OXR1: variants seen among roughly 807,000 people sequenced by gnomAD.
OXR1 encodes oxidation resistance 1.
Under a neutral mutation model 104.6 loss-of-function variants are expected in OXR1, and 41 were observed. The observed-to-expected ratio is 0.39, with a 90% CI of 0.31 to 0.51. The LOEUF (loss-of-function observed/expected upper bound fraction) is 0.51, where lower values mean the gene tolerates loss of function less well. OXR1 is among the 20% of genes least tolerant of loss of function. The probability of loss-of-function intolerance (pLI) is 0.77; values close to 1 mark genes in which losing one functional copy is unlikely to be tolerated. For synonymous variants in OXR1, 348 were observed against 348.4 expected, an observed-to-expected ratio of 1.00 and a Z score of 0.01; for missense variants, 955 against 1,031.9, an observed-to-expected ratio of 0.93 and a Z score of 1.02.
intron 3 of OXR1, chr8:106,605,142 C>T (rs1402523550): frequency 1.3e-5 from 2 of 152,158 alleles, no homozygotes; most frequent in Non-Finnish European, 2.9e-5. Context: ...AAACATGTGG[C>T]TGACAAGATG....
At chr8:106,294,412 A>AAAAGAAAG (rs1554619229) in intron 1 of OXR1, among the ~76,000 whole-genome samples, 9 of 131,410 alleles carry the variant, frequency 6.8e-5, no homozygotes, top group Non-Finnish European at 1.3e-4. Flanking sequence ...AAAAAAAAAA[A>AAAAGAAAG]AAAGAAAGAA....
At chr8:106,549,900 A>T (rs1815671940) in intron 3 of OXR1, among the ~76,000 whole-genome samples, 1 of 152,120 alleles carries the variant, frequency 6.6e-6, no homozygotes, top group African/African-American at 2.4e-5. Flanking sequence ...ATCCTATTTT[A>T]TCTCCTGCTT....
chr8:106,365,899 T>C (rs1479639942), intron 2 of OXR1, among the ~76,000 whole-genome samples: 1 of 152,194 alleles, frequency 6.6e-6, no homozygotes, highest in Non-Finnish European at 1.5e-5. Flanking sequence ...AGGAATTGCT[T>C]GGTAAGTTTT....
intron 2 of OXR1, among the ~76,000 whole-genome samples, chr8:106,432,471 C>T (rs369091145): frequency 6.6e-6 from 1 of 152,174 alleles, no homozygotes; most frequent in African/African-American, 2.4e-5. Context: ...CACATTTCCT[C>T]CTCTGGGCCT....
At chr8:106,308,329 T>C (rs1813549733) in intron 1 of OXR1, among the ~76,000 whole-genome samples, 1 of 152,208 alleles carries the variant, frequency 6.6e-6, no homozygotes, top group Non-Finnish European at 1.5e-5. Flanking sequence ...GGAGGGTGAC[T>C]GCGCACATTG....
chr8:106,379,647 C>T (rs576924494), intron 2 of OXR1, among the ~76,000 whole-genome samples: 8 of 148,706 alleles, frequency 5.4e-5, no homozygotes, highest in South Asian at 2.1e-4. Flanking sequence ...AAGCGATTCT[C>T]GTGCCTCAGC....
intron 2 of OXR1, among the ~76,000 whole-genome samples, chr8:106,360,633 G>T (rs895434081): frequency 9.9e-5 from 15 of 151,156 alleles, no homozygotes; most frequent in African/African-American, 3.4e-4. Flanking sequence ...AAGAATCTCA[G>T]TTTGAAAAAA....
intron 3 of OXR1, among the ~76,000 whole-genome samples, chr8:106,540,470 C>T (rs952298029): frequency 1.3e-5 from 2 of 152,164 alleles, no homozygotes; most frequent in African/African-American, 2.4e-5. Flanking sequence ...TATATCTGCA[C>T]CATTCCAGTT....
chr8:106,460,442 A>T (rs1013183445), intron 2 of OXR1, among the ~76,000 whole-genome samples: 2 of 152,182 alleles, frequency 1.3e-5, no homozygotes, highest in Non-Finnish European at 2.9e-5. Context: ...AGACACAAAG[A>T]CCTGTGTTCT....
chr8:106,646,159 G>A (rs1349546630), intron 3 of OXR1, among the ~76,000 whole-genome samples: 2 of 151,476 alleles, frequency 1.3e-5, no homozygotes, highest in Non-Finnish European at 2.9e-5. Context: ...AGGCTAGAGT[G>A]CAGTGGCGTG....
chr8:106,292,382 G>A (rs1223235980), intron 1 of OXR1, among the ~76,000 whole-genome samples: 2 of 152,070 alleles, frequency 1.3e-5, no homozygotes, highest in East Asian at 3.9e-4. Context: ...TTGTGGAGAA[G>A]GAAAACAAAA....
intron 2 of OXR1, among the ~76,000 whole-genome samples, chr8:106,467,589 T>G (rs1011294004): frequency 2.0e-5 from 3 of 151,928 alleles, no homozygotes; most frequent in African/African-American, 7.2e-5. Context: ...CTCATTTTAT[T>G]GTAAGCAGTA....
At chr8:106,553,212 A>C (rs183720767) in intron 3 of OXR1, among the ~76,000 whole-genome samples, 286 of 151,536 alleles carry the variant, frequency 1.9e-3, no homozygotes, top group African/African-American at 6.5e-3. Context: ...AGTAATAATA[A>C]AATAAAATAA....
chr8:106,639,687 A>C (rs568007545), intron 3 of OXR1, among the ~76,000 whole-genome samples: 8 of 152,296 alleles, frequency 5.3e-5, no homozygotes, highest in Non-Finnish European at 1.0e-4. Flanking sequence ...AAGATTGGGT[A>C]AGGATCATGA....
chr8:106,493,566 A>T (rs543569674), intron 2 of OXR1, among the ~76,000 whole-genome samples: 14 of 152,122 alleles, frequency 9.2e-5, no homozygotes, highest in Admixed American at 9.2e-4. Flanking sequence ...ATTAACTAAC[A>T]ATGTCGGGCC....
At chr8:106,371,346 A>G (rs988047139) in intron 2 of OXR1, among the ~76,000 whole-genome samples, 2 of 151,286 alleles carry the variant, frequency 1.3e-5, no homozygotes, top group African/African-American at 4.9e-5. Context: ...AAAAAAAAGC[A>G]GCTTCTGGAT....
chr8:106,663,959 A>G (rs748801322), intron 3 of OXR1, among the ~76,000 whole-genome samples: 1 of 152,188 alleles, frequency 6.6e-6, no homozygotes, highest in Non-Finnish European at 1.5e-5. Flanking sequence ...CCACCACCAC[A>G]AAACAAAAAA....
chr8:106,708,947 T>C (rs1311763602), intron 9 of OXR1, among the ~76,000 whole-genome samples: 2 of 148,184 alleles, frequency 1.3e-5, no homozygotes, highest in African/African-American at 5.3e-5. Context: ...CATCATGCAG[T>C]TGAGATATCC....
chr8:106,541,256 G>C (rs1814930422), intron 3 of OXR1, among the ~76,000 whole-genome samples: 1 of 152,146 alleles, frequency 6.6e-6, no homozygotes, highest in African/African-American at 2.4e-5. Flanking sequence ...TAGTGTGTCA[G>C]ACACATAGTA....
Sources: allele counts gnomAD v4.1 joint callset (sites outside exome capture counted in the v4.1 genomes callset), GRCh38; gene constraint gnomAD v4.1.1; transcripts MANE v1.5; gene names NCBI Gene and HGNC (gene_info 2026-07-23, HGNC 2026-07-21).